Variants in NUCB2 observed in about 807,000 individuals in gnomAD.
NUCB2 encodes the protein nucleobindin-2.
A neutral mutation model predicts 57.9 loss-of-function variants in NUCB2; 48 were observed. The ratio of observed to expected loss-of-function variants is 0.83; its 90% CI spans 0.66 to 1.05. The LOEUF is 1.05. Among genes scored for constraint, NUCB2 ranks in the 50% least tolerant of loss-of-function variants. The pLI is 0.00. For missense variants in NUCB2, 442 were observed against 476.2 expected, an observed-to-expected ratio of 0.93 and a Z score of 0.67; for synonymous variants, 139 against 152.1, an observed-to-expected ratio of 0.91 and a Z score of 0.64.
chr11:17,279,622 T>G (rs1942112287), intron 1 of NUCB2, among the ~76,000 whole-genome samples: 1 of 152,148 alleles, frequency 6.6e-6, no homozygotes, highest in Non-Finnish European at 1.5e-5. Context: ...TTGTTTTACC[T>G]CAGGTAATTG....
chr11:17,301,673 T>G (rs1591365206), intron 4 of NUCB2, 71 bp from the exon 5 acceptor site: 1 of 1,136,822 alleles, frequency 8.8e-7, no homozygotes, highest in East Asian at 2.4e-5. Context: ...TGTAACCCTG[T>G]TTTTAAGCTG....
At chr11:17,286,344 A>C (rs2138070256) in intron 2 of NUCB2, among the ~76,000 whole-genome samples, 1 of 152,242 alleles carries the variant, frequency 6.6e-6, no homozygotes, top group South Asian at 2.1e-4. Flanking sequence ...GCAGAATAGA[A>C]ATTTTGACTT....
chr11:17,294,135 A>C (rs1245597189), intron 2 of NUCB2, among the ~76,000 whole-genome samples: 1 of 152,226 alleles, frequency 6.6e-6, no homozygotes, highest in Non-Finnish European at 1.5e-5. Context: ...ATTAAAAGTA[A>C]TTGTGGGGAA....
chr11:17,316,917 C>G (rs982672850), intron 11 of NUCB2, among the ~76,000 whole-genome samples: 1 of 152,206 alleles, frequency 6.6e-6, no homozygotes, highest in Non-Finnish European at 1.5e-5. Context: ...CCAGACATTT[C>G]TGGGCAAATT....
chr11:17,297,533 A>G (rs1332918466), intron 4 of NUCB2, among the ~76,000 whole-genome samples: 1 of 152,196 alleles, frequency 6.6e-6, no homozygotes, highest in African/African-American at 2.4e-5. Flanking sequence ...CGATCTGTGG[A>G]ACAAGTTTCC....
At chr11:17,321,768 G>T (rs755837056) in intron 11 of NUCB2, among the ~76,000 whole-genome samples, 1 of 151,524 alleles carries the variant, frequency 6.6e-6, no homozygotes, top group Non-Finnish European at 1.5e-5. Context: ...ATTTGTTATT[G>T]CCTGTCTTTT....
At chr11:17,310,727 C>G in intron 6 of NUCB2, 98 bp from the exon 7 acceptor site, 2 of 886,312 alleles carry the variant, frequency 2.3e-6, no homozygotes, top group Non-Finnish European at 3.5e-6. Flanking sequence ...CCCTCCCGTA[C>G]CACTTCTGTT....
At chr11:17,342,912 G>C (rs1243272104) in intron 2 of NUCB2, among the ~76,000 whole-genome samples, 1 of 152,172 alleles carries the variant, frequency 6.6e-6, no homozygotes, top group Non-Finnish European at 1.5e-5. Context: ...TGACAGTGGG[G>C]TGTTAAATTC....
intron 11 of NUCB2, among the ~76,000 whole-genome samples, chr11:17,324,528 G>C (rs575119436): frequency 3.9e-4 from 59 of 152,132 alleles, no homozygotes; most frequent in African/African-American, 1.3e-3. Context: ...TCGCCTCTCA[G>C]GTCCAAGCAG....
intron 10 of NUCB2, among the ~76,000 whole-genome samples, chr11:17,314,395 T>C (rs1472966174): frequency 1.3e-5 from 2 of 152,162 alleles, no homozygotes; most frequent in Non-Finnish European, 2.9e-5. Context: ...TGTAATATGA[T>C]CCCAAATCCC....
At chr11:17,292,237 G>A (rs912513319) in intron 2 of NUCB2, among the ~76,000 whole-genome samples, 1 of 152,268 alleles carries the variant, frequency 6.6e-6, no homozygotes, top group East Asian at 1.9e-4. Context: ...AGTAAGTGGT[G>A]CAGCTGTAAC....
At chr11:17,295,258 C>G (rs547553039) in intron 2 of NUCB2, 66 bp from the exon 3 acceptor site, 1 of 1,349,844 alleles carries the variant, frequency 7.4e-7, no homozygotes, top group African/African-American at 1.5e-5. Context: ...ATGTGACATT[C>G]GGAATGCATG....
chr11:17,319,493 G>A (rs1949727981), intron 11 of NUCB2, among the ~76,000 whole-genome samples: 1 of 152,176 alleles, frequency 6.6e-6, no homozygotes, highest in Admixed American at 6.5e-5. Flanking sequence ...TGCTACTGTA[G>A]TGTCATTGCT....
chr11:17,292,128 A>C (rs1945047366), intron 2 of NUCB2, among the ~76,000 whole-genome samples: 1 of 152,174 alleles, frequency 6.6e-6, no homozygotes, highest in African/African-American at 2.4e-5. Context: ...AGTAATACTA[A>C]GTTCAAGTTA....
intron 2 of NUCB2, among the ~76,000 whole-genome samples, chr11:17,341,372 G>T (rs1474928071): frequency 1.3e-5 from 2 of 151,802 alleles, no homozygotes; most frequent in African/African-American, 4.8e-5. Flanking sequence ...AGTGGTGAGA[G>T]AGGGCATCCC....
At chr11:17,345,199 GA>G (rs913804728) in intron 2 of NUCB2, among the ~76,000 whole-genome samples, 5 of 149,338 alleles carry the variant, frequency 3.3e-5, no homozygotes, top group East Asian at 3.9e-4. Flanking sequence ...ACTAAAACAT[GA>G]AAAAAAAACC....
At chr11:17,305,024 T>C (rs914914490) in intron 5 of NUCB2, among the ~76,000 whole-genome samples, 8 of 152,220 alleles carry the variant, frequency 5.3e-5, no homozygotes, top group African/African-American at 1.7e-4. Context: ...AAAGTGCATA[T>C]GAAAAAGGAC....
chr11:17,292,535 T>C (rs1340798719), intron 2 of NUCB2, among the ~76,000 whole-genome samples: 1 of 152,190 alleles, frequency 6.6e-6, no homozygotes, highest in East Asian at 1.9e-4. Flanking sequence ...TTAGAAAATA[T>C]GGAGTAGGCC....
At chr11:17,281,354 A>G (rs1591163300) in intron 1 of NUCB2, among the ~76,000 whole-genome samples, 1 of 152,032 alleles carries the variant, frequency 6.6e-6, no homozygotes. Flanking sequence ...TCCTGGGCTC[A>G]AGTGATCCAC....
Sources: allele counts gnomAD v4.1 joint callset (sites outside exome capture counted in the v4.1 genomes callset), GRCh38; gene constraint gnomAD v4.1.1; transcripts MANE v1.5; gene names NCBI Gene and HGNC (gene_info 2026-07-23, HGNC 2026-07-21).